GMDS: variants seen among roughly 807,000 people sequenced by gnomAD.
The protein encoded by GMDS is GDP-mannose 4,6-dehydratase.
GMDS carries 20 observed loss-of-function variants against 49.9 expected under a neutral mutation model. The ratio of observed to expected loss-of-function variants is 0.40; its 90% confidence interval spans 0.28 to 0.58. The LOEUF is 0.58. GMDS is among the 20% of genes least tolerant of loss of function. The pLI, the probability that GMDS is intolerant of heterozygous loss-of-function variation, is 0.42. For missense variants in GMDS, 362 were observed against 481.4 expected (o/e 0.75, Z 2.32); for synonymous variants, 177 against 178.6 (o/e 0.99, Z 0.07).
intron 4 of GMDS, among the ~76,000 whole-genome samples, chr6:2,030,131 C>A (rs9503074): frequency 2.8e-4 from 43 of 152,344 alleles, no homozygotes; most frequent in African/African-American, 1.0e-3. Context: ...GCATGCTCTG[C>A]ACAACCAGAC....
At chr6:2,031,532 G>GTGGGGA (rs532823618) in intron 4 of GMDS, among the ~76,000 whole-genome samples, 12 of 152,110 alleles carry the variant, frequency 7.9e-5, no homozygotes, top group Non-Finnish European at 1.5e-4. Context: ...GTGTGTCAGG[G>GTGGGGA]TGGGGATGGG....
intron 7 of GMDS, among the ~76,000 whole-genome samples, chr6:1,920,842 G>A (rs1172784151): frequency 6.6e-6 from 1 of 152,188 alleles, no homozygotes; most frequent in Non-Finnish European, 1.5e-5. Context: ...CATGGACTTG[G>A]TAAGTGTGAA....
chr6:2,223,221 A>G (rs1780674530), intron 1 of GMDS, among the ~76,000 whole-genome samples: 1 of 152,124 alleles, frequency 6.6e-6, no homozygotes, highest in South Asian at 2.1e-4. Context: ...CCAGAGAACC[A>G]TGACTAATGT....
intron 4 of GMDS, among the ~76,000 whole-genome samples, chr6:2,010,919 A>G (rs1361427239): frequency 6.6e-6 from 1 of 152,214 alleles, no homozygotes; most frequent in Non-Finnish European, 1.5e-5. Context: ...AATACTGTCT[A>G]CAAATAGAGA....
chr6:1,960,203 T>C (rs936368329), intron 5 of GMDS, among the ~76,000 whole-genome samples: 47 of 152,342 alleles, frequency 3.1e-4, no homozygotes, highest in African/African-American at 1.1e-3. Context: ...TATTTGACAA[T>C]CGAATTGATT....
intron 9 of GMDS, among the ~76,000 whole-genome samples, chr6:1,632,135 A>G (rs567614868): frequency 6.6e-6 from 1 of 152,344 alleles, no homozygotes; most frequent in African/African-American, 2.4e-5. Context: ...AGAATGTCAC[A>G]AAGTCATCTA....
At chr6:1,698,377 C>G (rs1392850041) in intron 9 of GMDS, among the ~76,000 whole-genome samples, 1 of 152,168 alleles carries the variant, frequency 6.6e-6, no homozygotes, top group Non-Finnish European at 1.5e-5. Flanking sequence ...CCTGAACTGT[C>G]CTCCACCCGT....
At chr6:1,861,850 C>T (rs946886111) in intron 7 of GMDS, among the ~76,000 whole-genome samples, 1 of 152,024 alleles carries the variant, frequency 6.6e-6, no homozygotes, top group Non-Finnish European at 1.5e-5. Context: ...CGGACTTCAC[C>T]TCTGAAAAAG....
At chr6:2,063,760 C>T (rs937623165) in intron 4 of GMDS, among the ~76,000 whole-genome samples, 4 of 152,124 alleles carry the variant, frequency 2.6e-5, no homozygotes, top group African/African-American at 9.7e-5. Context: ...AAATAATATC[C>T]CACCTGTCAT....
chr6:2,145,136 T>A (rs1731119912), intron 1 of GMDS, among the ~76,000 whole-genome samples: 1 of 152,178 alleles, frequency 6.6e-6, no homozygotes, highest in South Asian at 2.1e-4. Context: ...ACAGGTAGTA[T>A]GAATAGATTT....
intron 4 of GMDS, among the ~76,000 whole-genome samples, chr6:2,002,851 T>G (rs1277800267): frequency 1.3e-5 from 2 of 152,186 alleles, no homozygotes; most frequent in Non-Finnish European, 2.9e-5. Context: ...TATTCTTATC[T>G]TCACAAATTA....
At chr6:2,190,489 A>G (rs1778964267) in intron 1 of GMDS, among the ~76,000 whole-genome samples, 1 of 152,182 alleles carries the variant, frequency 6.6e-6, no homozygotes, top group Non-Finnish European at 1.5e-5. Flanking sequence ...TCAAGGTCTC[A>G]CTTCTCATGG....
intron 4 of GMDS, among the ~76,000 whole-genome samples, chr6:1,999,954 G>A (rs867958620): frequency 2.8e-3 from 34 of 12,250 alleles, no homozygotes; most frequent in South Asian, 0.023. Flanking sequence ...TATATAATAT[G>A]TATATTATAT....
At chr6:1,835,957 C>A (rs887574934) in intron 7 of GMDS, among the ~76,000 whole-genome samples, 1 of 152,066 alleles carries the variant, frequency 6.6e-6, no homozygotes, top group Non-Finnish European at 1.5e-5. Context: ...CTATCTGTAG[C>A]GCTCACTGTA....
intron 4 of GMDS, among the ~76,000 whole-genome samples, chr6:2,111,453 G>C (rs1175420970): frequency 2.0e-5 from 3 of 152,176 alleles, no homozygotes; most frequent in Non-Finnish European, 2.9e-5. Flanking sequence ...TCTTCAGTCA[G>C]TATTTCCCAG....
At chr6:1,699,206 G>A (rs1296050970) in intron 9 of GMDS, among the ~76,000 whole-genome samples, 1 of 152,162 alleles carries the variant, frequency 6.6e-6, no homozygotes, top group African/African-American at 2.4e-5. Context: ...CAGAGAGGAA[G>A]ACTGCACATC....
intron 8 of GMDS, among the ~76,000 whole-genome samples, chr6:1,738,612 G>A (rs1767140456): frequency 6.6e-6 from 1 of 152,154 alleles, no homozygotes; most frequent in South Asian, 2.1e-4. Flanking sequence ...TGTCTGATAC[G>A]GTACAGCCTC....
intron 1 of GMDS, among the ~76,000 whole-genome samples, chr6:2,136,906 CA>C (rs3049649): frequency 0.23 from 29,307 of 128,082 alleles, 2,756 homozygotes; most frequent in East Asian, 0.28. Flanking sequence ...TCATTTCAAA[CA>C]AAAAAAAAAA....
rs143528130 is a variant in GMDS at position 1,991,056 on chromosome 6, T to G, written c.346-30090A>C. ...AGCTCCCTTTTGGGTTCTCTACCCCTCCTCTCAATGTTCCTACCCCTTCCT... is the reference window on the plus strand; with the variant it reads ...AGCTCCCTTTTGGGTTCTCTACCCCGCCTCTCAATGTTCCTACCCCTTCCT... On this transcript the variant is annotated intron_variant, in intron 4 of 10. Transcript: ENST00000380815. 1.1e-4 allele frequency among the ~76,000 whole-genome samples: 16 copies of G among 152,224 alleles called. No homozygotes were observed. The East Asian group carries it at 3.1e-3, about 29-fold the overall frequency.
Sources: gnomAD v4.1 joint callset for allele counts (sites outside exome capture counted in the v4.1 genomes callset) on GRCh38, gnomAD v4.1.1 for gene constraint, MANE v1.5 for transcripts, NCBI Gene and HGNC (gene_info 2026-07-23, HGNC 2026-07-21) for gene names.